APBA2: variants seen among roughly 807,000 people sequenced by gnomAD.
The protein encoded by APBA2 is amyloid-beta A4 precursor protein-binding family A member 2.
APBA2 carries 30 observed loss-of-function variants against 75.0 expected under a neutral mutation model. The ratio of observed to expected loss-of-function variants is 0.40; its 90% CI spans 0.30 to 0.54. APBA2 has a LOEUF of 0.54. APBA2 is among the 20% of genes least tolerant of loss of function. The probability of loss-of-function intolerance (pLI) is 0.49; values close to 1 mark genes in which losing one functional copy is unlikely to be tolerated. For missense variants in APBA2, 801 were observed against 1,016.1 expected (o/e 0.79, Z 2.88); for synonymous variants, 444 against 409.6 (o/e 1.08, Z -1.01).
chr15:29,005,270 T>G (rs2039055129), intron 3 of APBA2, among the ~76,000 whole-genome samples: 2 of 152,100 alleles, frequency 1.3e-5, no homozygotes, highest in South Asian at 4.2e-4. Flanking sequence ...CCTTTTTTTT[T>G]GTTTTTTTGA....
At chr15:28,950,541 G>A (rs2035805238) in intron 2 of APBA2, among the ~76,000 whole-genome samples, 1 of 151,866 alleles carries the variant, frequency 6.6e-6, no homozygotes, top group South Asian at 2.1e-4. Flanking sequence ...GCAGGAGAAT[G>A]GCGTGAACCC....
At chr15:29,013,518 T>A (rs2039510405) in intron 3 of APBA2, among the ~76,000 whole-genome samples, 1 of 152,116 alleles carries the variant, frequency 6.6e-6, no homozygotes, top group African/African-American at 2.4e-5. Flanking sequence ...CCTGACCTCG[T>A]GATCCACCCA....
At chr15:29,093,269 G>T (rs749818575) in intron 7 of APBA2, 49 bp downstream of exon 7, 1 of 1,607,676 alleles carries the variant, frequency 6.2e-7, no homozygotes, top group South Asian at 1.1e-5. Context: ...ACTTTGGGGG[G>T]CACTAGCAGG....
chr15:28,967,592 C>A (rs1033370022), intron 2 of APBA2, among the ~76,000 whole-genome samples: 4 of 152,042 alleles, frequency 2.6e-5, no homozygotes, highest in Non-Finnish European at 5.9e-5. Flanking sequence ...ACACCTGCCA[C>A]CACGCCCGGC....
chr15:28,913,091 C>T (rs2033506996), intron 1 of APBA2, among the ~76,000 whole-genome samples: 2 of 152,230 alleles, frequency 1.3e-5, no homozygotes, highest in Admixed American at 6.5e-5. Flanking sequence ...TGTGTCTGCA[C>T]TACAGTTTGT....
At chr15:28,912,384 C>T (rs1413600149) in intron 1 of APBA2, among the ~76,000 whole-genome samples, 4 of 152,208 alleles carry the variant, frequency 2.6e-5, no homozygotes, top group Non-Finnish European at 4.4e-5. Flanking sequence ...TGTGGCCTCA[C>T]TGAGGAGGAG....
chr15:28,993,722 G>A (rs1270648981), intron 2 of APBA2, among the ~76,000 whole-genome samples: 1 of 152,230 alleles, frequency 6.6e-6, no homozygotes, highest in Non-Finnish European at 1.5e-5. Context: ...GGATGCACAT[G>A]GATGAGCTCT....
chr15:29,040,231 C>T (rs2040965719), intron 3 of APBA2, among the ~76,000 whole-genome samples: 1 of 152,168 alleles, frequency 6.6e-6, no homozygotes, highest in African/African-American at 2.4e-5. Flanking sequence ...GGGAAGAATC[C>T]CCATTTTTTT....
At chr15:28,944,988 G>A (rs1271524421) in intron 2 of APBA2, among the ~76,000 whole-genome samples, 1 of 152,218 alleles carries the variant, frequency 6.6e-6, no homozygotes, top group East Asian at 1.9e-4. Context: ...TAGGGAGGCA[G>A]TGAGCTTCCT....
chr15:29,065,529 T>C (rs2042342595), intron 4 of APBA2, among the ~76,000 whole-genome samples: 1 of 152,088 alleles, frequency 6.6e-6, no homozygotes, highest in Non-Finnish European at 1.5e-5. Flanking sequence ...TGTCAGATAA[T>C]ACCATGGGCA....
chr15:28,886,749 C>T (rs2031762807), intron 1 of APBA2, among the ~76,000 whole-genome samples: 1 of 152,230 alleles, frequency 6.6e-6, no homozygotes, highest in Admixed American at 6.5e-5. Context: ...CAGATCTTCG[C>T]CCCCTTCCCT....
intron 2 of APBA2, among the ~76,000 whole-genome samples, chr15:28,928,467 G>A (rs2034395037): frequency 6.6e-6 from 1 of 152,114 alleles, no homozygotes; most frequent in Non-Finnish European, 1.5e-5. Flanking sequence ...TGGTGTAGTT[G>A]TAGGGTGTGG....
At chr15:28,951,671 G>A (rs938171331) in intron 2 of APBA2, among the ~76,000 whole-genome samples, 1 of 151,818 alleles carries the variant, frequency 6.6e-6, no homozygotes, top group South Asian at 2.1e-4. Flanking sequence ...TGCAACCTCC[G>A]CCTCCCAAAT....
chr15:29,106,637 C>T lies in APBA2; in HGVS notation c.1735C>T (p.Leu579=). 6.2e-7 allele frequency: 1 copy of T among 1,613,162 alleles called. No individual in the cohort carries two copies. The highest frequency in any genetic ancestry group is 8.5e-7 in the Non-Finnish European group (1 of 1,180,006). ...GCTGGAGAAGCACAAGGGCGAGATC[C>T]TGGGCGTGGTGGTGGTGGAGTCGGG... The part of the protein sequence containing the change: ...LQLEKHKGEI[L]GVVVVESGWG... The change falls in exon 12 of 15, where the codon CTG becomes TTG. Residue 579 remains leucine (L), a synonymous_variant. Coordinates refer to ENST00000683413, the MANE Select transcript of APBA2 (RefSeq NM_001353788.2).
At chr15:29,114,194 C>T (rs1439376487) in intron 14 of APBA2, among the ~76,000 whole-genome samples, 178 bp downstream of exon 14, 2 of 152,200 alleles carry the variant, frequency 1.3e-5, no homozygotes, top group African/African-American at 2.4e-5. Context: ...GGAGCCATCC[C>T]GGTCTGGCTC....
intron 1 of APBA2, among the ~76,000 whole-genome samples, chr15:28,915,937 C>T (rs1362525539): frequency 1.3e-5 from 2 of 152,144 alleles, no homozygotes; most frequent in East Asian, 3.9e-4. Flanking sequence ...ATACACACCA[C>T]ACACTCACTA....
At chr15:29,026,531 A>T (rs2040230094) in intron 3 of APBA2, among the ~76,000 whole-genome samples, 1 of 152,190 alleles carries the variant, frequency 6.6e-6, no homozygotes, top group East Asian at 1.9e-4. Context: ...CAATTCTCTC[A>T]TACTGTTTTC....
At chr15:28,909,463 T>C (rs1230606471) in intron 1 of APBA2, among the ~76,000 whole-genome samples, 1 of 152,254 alleles carries the variant, frequency 6.6e-6, no homozygotes, top group Non-Finnish European at 1.5e-5. Flanking sequence ...TAGGGCTGAC[T>C]ACTGCCCCCA....
chr15:29,064,471 C>A (rs2042289290), intron 4 of APBA2, among the ~76,000 whole-genome samples: 1 of 152,168 alleles, frequency 6.6e-6, no homozygotes, highest in African/African-American at 2.4e-5. Flanking sequence ...ACTCTCCCCG[C>A]CCCCATCCAG....
Sources: gnomAD v4.1 joint callset for allele counts (sites outside exome capture counted in the v4.1 genomes callset) on GRCh38, gnomAD v4.1.1 for gene constraint, MANE v1.5 for transcripts, NCBI Gene and HGNC (gene_info 2026-07-23, HGNC 2026-07-21) for gene names.